Variants in CXXC1 observed in about 807,000 individuals in gnomAD.
CXXC1 encodes the protein CXXC-type zinc finger protein 1.
Under a neutral mutation model 83.6 loss-of-function variants are expected in CXXC1, and 21 were observed. That is an observed-to-expected ratio of 0.25 (90% CI 0.18 to 0.36). The LOEUF is 0.36. Ranked by LOEUF, CXXC1 falls within the 10% of genes least tolerant of loss-of-function variation. CXXC1 has a pLI of 1.00. For synonymous variants in CXXC1, 371 were observed against 337.5 expected, an observed-to-expected ratio of 1.10 and a Z score of -1.09; for missense variants, 688 against 919.5, an observed-to-expected ratio of 0.75 and a Z score of 3.26.
chr18:50,282,780 C>A lies in CXXC1; in HGVS notation c.1825-41G>T, dbSNP rs759209497. The A allele has an allele frequency of 2.5e-6, 4 of 1,609,176 alleles. No individual in the cohort carries two copies. The highest frequency in any genetic ancestry group is 2.5e-6 in the Non-Finnish European group (3 of 1,177,400). On this transcript the variant is annotated intron_variant, in intron 14 of 14. Coordinates refer to ENST00000285106, the MANE Select transcript of CXXC1 (RefSeq NM_014593.4). The surrounding 1 kb of genome is among the most constrained non-coding windows in gnomAD (Gnocchi z 5.8). ...CAGGAGTCCTAAGCAGGAACACCTGCAGCCCCGCCTGCCCCGGCCACGTCC... is the reference window on the plus strand; with the variant it reads ...CAGGAGTCCTAAGCAGGAACACCTGAAGCCCCGCCTGCCCCGGCCACGTCC...
chr18:50,283,229 AG>A (rs1806903488), intron 13 of CXXC1, 35 bp downstream of exon 13: 1 of 1,553,562 alleles, frequency 6.4e-7, no homozygotes, highest in Non-Finnish European at 8.9e-7. Context: ...GGCAGGGAGG[AG>A]GGGCAAAATG....
rs200781739 is a variant in CXXC1, at chr18:50,282,777, C to G, written c.1825-38G>C. The G allele has an allele frequency of 4.2e-5, 67 of 1,610,078 alleles. No individual in the cohort carries two copies. Among genetic ancestry groups the G allele is most frequent in the Non-Finnish European group, 5.6e-5 (66 of 1,177,810 alleles). On this transcript the variant is annotated intron_variant, in intron 14 of 14. Coordinates refer to ENST00000285106, the MANE Select transcript of CXXC1 (RefSeq NM_014593.4). The surrounding 1 kb of genome is among the most constrained non-coding windows in gnomAD (Gnocchi z 5.8). ...CGGCAGGAGTCCTAAGCAGGAACAC[C>G]TGCAGCCCCGCCTGCCCCGGCCACG... is the stretch of plus-strand genomic sequence containing the variant.
rs765414540 is a variant in CXXC1 at position 50,284,335 on chromosome 18, CA to C, written c.1205+42del. The C allele has an allele frequency of 7.4e-5, 112 of 1,517,576 alleles. No homozygotes were observed. In the East Asian group the frequency reaches 2.0e-3, roughly 28 times the overall value. The allele number at this position is 1,517,576 out of a possible 1,614,324, so 94.0% of individuals were successfully genotyped here. On this transcript the variant is annotated intron_variant, in intron 9 of 14. Coordinates refer to ENST00000285106, the MANE Select transcript of CXXC1 (RefSeq NM_014593.4). The stretch of plus-strand genomic sequence containing the variant: ...ACAGAAGGCTGTGGTCAGGCCCTAC[CA>C]TGCACTTCCTGACTCCCTTGAACCT...
chr18:50,284,264 A>G, intron 9 of CXXC1, 114 bp downstream of exon 9: 1 of 1,482,174 alleles, frequency 6.7e-7, no homozygotes. Context: ...GTGAGTGGGT[A>G]GTGGCTGTTT....
chr18:50,283,076 G>A, intron 13 of CXXC1, 70 bp from the exon 14 acceptor site: 1 of 1,551,488 alleles, frequency 6.4e-7, no homozygotes, highest in Non-Finnish European at 8.8e-7. Flanking sequence ...GCTCAAGGAG[G>A]GAGAAGGAAA....
rs2040496778 is a variant in CXXC1, at chr18:50,282,488, G to C, written c.*105C>G. On this transcript the variant is annotated 3_prime_UTR_variant, in exon 15 of 15. Coordinates refer to ENST00000285106, the MANE Select transcript of CXXC1 (RefSeq NM_014593.4). This position sits in a 1 kb window ranked among gnomAD's most constrained non-coding sequence, Gnocchi z 5.8. ...AGATGGGCGGTCAACCGGTGGATGG[G>C]CACAGGGAGAACCGGAGAAACAGAT... is the stretch of plus-strand genomic sequence containing the variant. The C allele has an allele frequency of 2.8e-6, 4 of 1,428,256 alleles. No homozygotes were observed. 88.5% of individuals were successfully genotyped at this position (1,428,256 alleles called of 1,614,324 possible).
At chr18:50,287,151 A>C (rs2040727740) in intron 1 of CXXC1, 2 of 522,456 alleles carry the variant, frequency 3.8e-6, no homozygotes, top group African/African-American at 1.9e-5. Context: ...GACCCCGCGT[A>C]ACTCACTGCG....
Position 50,287,609 on chromosome 18 carries a change from T to C in CXXC1, c.-20A>G. ...TACCATATCTCCGCTCCCGGCGCAC[T>C]CCCTCACGACCCCCGCCAGCGACCC... On this transcript the variant is annotated 5_prime_UTR_variant, in exon 1 of 15. Transcript: ENST00000285106. 1 of 1,610,134 alleles carries C rather than the reference T, an allele frequency of 6.2e-7. No homozygotes were observed. Among genetic ancestry groups the C allele is most frequent in the Non-Finnish European group, 8.5e-7 (1 of 1,179,704 alleles).
chr18:50,284,092 G>A lies in CXXC1; in HGVS notation c.1215C>T (p.Tyr405=), dbSNP rs762676698. 2.9e-5 allele frequency: 47 copies of A among 1,604,854 alleles called. No individual in the cohort carries two copies. The highest frequency in any genetic ancestry group is 1.1e-4 in the East Asian group (5 of 44,734). ...GCTGGATGCGCTGGGGGAGGATCTC[G>A]TAGATGCGGCTGCAGGGAAGGTAGC... is the stretch of plus-strand genomic sequence containing the variant. ...CGMKLAANRI[Y]EILPQRIQQW... The change falls in exon 10 of 15, where the codon TAC becomes TAT. Residue 405 remains tyrosine, a synonymous_variant. Transcript: ENST00000285106.
At chr18:50,284,691 C>T in intron 8 of CXXC1, 41 bp downstream of exon 8, 1 of 1,610,002 alleles carries the variant, frequency 6.2e-7, no homozygotes, top group South Asian at 1.1e-5. Context: ...CCCTCAACCC[C>T]ACCCTCTGCC....
rs545609870 is a variant in CXXC1 at position 50,282,647 on chromosome 18, C to T, written c.1917G>A (p.Gln639=). 3.7e-6 allele frequency: 6 copies of T among 1,612,894 alleles called. No homozygotes were observed. The African/African-American group carries it at 5.3e-5, about 14-fold the overall frequency. Reference sequence around the variant, plus strand: ...TAGTGAGGGGATCGTGCTGGATCGTCTGGTGCAGCATCAGGGCCAGCAATC... The same window carrying T: ...TAGTGAGGGGATCGTGCTGGATCGTTTGGTGCAGCATCAGGGCCAGCAATC... ...RAGLLALMLH[Q]TIQHDPLTTD... Residue 639 remains glutamine (Q), a synonymous_variant, in exon 15 of 15, where the codon CAG becomes CAA. Transcript: ENST00000285106. The surrounding 1 kb of genome is among the most constrained non-coding windows in gnomAD (Gnocchi z 5.8).
chr18:50,286,856 C>T lies in CXXC1; in HGVS notation c.6G>A (p.Glu2=). ...GAGGCTCTGGGTCTGAACCATCTCCCTCCTGCAGGACACCCCCATTACGGA... is the reference window on the plus strand; with the variant it reads ...GAGGCTCTGGGTCTGAACCATCTCCTTCCTGCAGGACACCCCCATTACGGA... M[E]GDGSDPEPPD... is the part of the protein sequence containing the mutation. The change falls in exon 2 of 15, where the codon GAG becomes GAA. Residue 2 remains glutamate (E), a splice_region_variant and synonymous_variant. Coordinates refer to ENST00000285106, the MANE Select transcript of CXXC1 (RefSeq NM_014593.4). 1 of 1,608,598 alleles carries T rather than the reference C, an allele frequency of 6.2e-7. No homozygotes were observed.
chr18:50,284,086 G>A lies in CXXC1; in HGVS notation c.1221C>T (p.Ile407=), dbSNP rs758990850. 3.2e-5 allele frequency: 51 copies of A among 1,605,998 alleles called. No individual in the cohort carries two copies. The Admixed American group carries it at 8.5e-4, about 27-fold the overall frequency. The change falls in exon 10 of 15, where the codon ATC becomes ATT. Residue 407 remains isoleucine (I), a synonymous_variant. Coordinates refer to ENST00000285106, the MANE Select transcript of CXXC1 (RefSeq NM_014593.4). ...GCCACTGCTGGATGCGCTGGGGGAGGATCTCGTAGATGCGGCTGCAGGGAA... is the reference window on the plus strand; with the variant it reads ...GCCACTGCTGGATGCGCTGGGGGAGAATCTCGTAGATGCGGCTGCAGGGAA... ...MKLAANRIYE[I]LPQRIQQWQQ... is the part of the protein sequence containing the mutation.
At chr18:50,284,167 C>A in intron 9 of CXXC1, 66 bp from the exon 10 acceptor site, 2 of 1,534,340 alleles carry the variant, frequency 1.3e-6, no homozygotes, top group East Asian at 4.5e-5. Flanking sequence ...GCAAAATAGA[C>A]GCAAATGGCA....
In CXXC1 at chr18:50,286,784, G is replaced by C. The variant is rs751587241; in HGVS notation, c.78C>G (p.Pro26=). Reference sequence around the variant, plus strand: ...CCGGTTTGCGGCAGATGCAGTAGATGGGCGCATTCTCCCCATTCTCGGACT... The same window carrying C: ...CCGGTTTGCGGCAGATGCAGTAGATCGGCGCATTCTCCCCATTCTCGGACT... ...DSKSENGENA[P]IYCICRKPDI... is the part of the protein sequence containing the mutation. The change falls in exon 2 of 15, where the codon CCC becomes CCG. Residue 26 remains proline (P), a synonymous_variant. Coordinates refer to ENST00000285106, the MANE Select transcript of CXXC1 (RefSeq NM_014593.4). 2 of 1,614,046 alleles carry C rather than the reference G, an allele frequency of 1.2e-6. No individual in the cohort carries two copies. The highest frequency in any genetic ancestry group is 1.7e-6 in the Non-Finnish European group (2 of 1,179,968).
intron 8 of CXXC1, 53 bp downstream of exon 8, chr18:50,284,679 C>G: frequency 6.2e-7 from 1 of 1,609,748 alleles, no homozygotes; most frequent in Non-Finnish European, 8.5e-7. Flanking sequence ...ACCTCTGCCT[C>G]TCCCTCAACC....
chr18:50,287,652 A>C lies in CXXC1; in HGVS notation c.-63T>G. 6.3e-7 allele frequency: 1 copy of C among 1,594,860 alleles called. No individual in the cohort carries two copies. The highest frequency in any genetic ancestry group is 8.5e-7 in the Non-Finnish European group (1 of 1,173,998). On this transcript the variant is annotated 5_prime_UTR_variant, in exon 1 of 15. Transcript: ENST00000285106. ...AGCGACCCGCGAACCTGCACAGACC[A>C]CTCGGCGGCGTCCCAGGCGGTTGCA...
chr18:50,283,498 G>A lies in CXXC1; in HGVS notation c.1574+17C>T, dbSNP rs146357448. ...GCCTTAACCCCCCACCTCTCACTGCGTGGCACCCTCACTTACCCTTCAATG... is the reference window on the plus strand; with the variant it reads ...GCCTTAACCCCCCACCTCTCACTGCATGGCACCCTCACTTACCCTTCAATG... On this transcript the variant is annotated intron_variant, in intron 12 of 14. Transcript: ENST00000285106. 129 of 1,611,710 alleles carry A rather than the reference G, an allele frequency of 8.0e-5. No homozygotes were observed. The highest frequency in any genetic ancestry group is 1.7e-4 in the Middle Eastern group (1 of 6,056).
Position 50,285,566 on chromosome 18 carries a change from G to T in CXXC1, c.639+183C>A. The T allele has an allele frequency of 1.0e-6, 1 of 974,946 alleles. No individual in the cohort carries two copies. The highest frequency in any genetic ancestry group is 1.5e-6 in the Non-Finnish European group (1 of 667,078). The allele number at this position is 974,946 out of a possible 1,614,324, so 60.4% of individuals were successfully genotyped here. On this transcript the variant is annotated intron_variant, in intron 5 of 14. Coordinates refer to ENST00000285106, the MANE Select transcript of CXXC1 (RefSeq NM_014593.4). This position sits in a 1 kb window ranked among gnomAD's most constrained non-coding sequence, Gnocchi z 4.4. The stretch of plus-strand genomic sequence containing the variant: ...CTGTCTACCCAGGGTTGGTGGGGGT[G>T]TTCTGCCAGCCCAGCATACCAGGTC...
Sources: gnomAD v4.1 joint callset for allele counts on GRCh38, gnomAD v4.1.1 for gene constraint, Gnocchi (gnomAD v3.1) non-coding constraint, MANE v1.5 for transcripts, NCBI Gene and HGNC (gene_info 2026-07-23, HGNC 2026-07-21) for gene names.